Variants in MAPKBP1 observed in about 807,000 individuals in gnomAD.
MAPKBP1 encodes mitogen-activated protein kinase-binding protein 1.
Under a neutral mutation model 170.5 loss-of-function variants are expected in MAPKBP1, and 71 were observed. The ratio of observed to expected loss-of-function variants is 0.42; its 90% CI spans 0.34 to 0.51. MAPKBP1 has a LOEUF of 0.51. Ranked by LOEUF, MAPKBP1 falls within the 20% of genes least tolerant of loss-of-function variation. The probability of loss-of-function intolerance (pLI) is 0.06; values close to 1 mark genes in which losing one functional copy is unlikely to be tolerated. For missense variants in MAPKBP1, 1,598 were observed against 1,933.0 expected (o/e 0.83, Z 3.25); for synonymous variants, 719 against 757.9 (o/e 0.95, Z 0.84).
intron 2 of MAPKBP1, among the ~76,000 whole-genome samples, chr15:41,782,685 C>A (rs190565921): frequency 6.6e-6 from 1 of 152,078 alleles, no homozygotes; most frequent in Non-Finnish European, 1.5e-5. Flanking sequence ...TCCCAGGGAG[C>A]CTTCATGTGC....
chr15:41,803,498 G>A (rs2064637503), intron 3 of MAPKBP1, among the ~76,000 whole-genome samples: 1 of 149,080 alleles, frequency 6.7e-6, no homozygotes. Context: ...TTGAGACCAA[G>A]AATTTGAAAC....
chr15:41,818,008 G>C lies in MAPKBP1; in HGVS notation c.1905-1G>C. On this transcript the variant is annotated splice_acceptor_variant, in intron 16 of 30. Transcript: ENST00000457542. LOFTEE classifies it high-confidence loss of function. The surrounding 1 kb of genome is among the most constrained non-coding windows in gnomAD (Gnocchi z 5.2). ...TGAGAAAGAGACTATGTTTCTTACA[G>C]GATATTTAACATCAGCAGTGGAAAG... 1 of 1,614,004 alleles carries C rather than the reference G, an allele frequency of 6.2e-7. No homozygotes were observed. Among genetic ancestry groups the C allele is most frequent in the Non-Finnish European group, 8.5e-7 (1 of 1,179,882 alleles).
chr15:41,811,613 T>C, intron 5 of MAPKBP1: 1 of 614,710 alleles, frequency 1.6e-6, no homozygotes, highest in Non-Finnish European at 3.0e-6. Context: ...GGAGGAACGC[T>C]TCTGTCCTGG....
chr15:41,808,184 G>A (rs1269147535), intron 3 of MAPKBP1, among the ~76,000 whole-genome samples: 1 of 137,014 alleles, frequency 7.3e-6, no homozygotes, highest in Non-Finnish European at 1.5e-5. Flanking sequence ...TTGGCTTGCT[G>A]CAAGCTCCGC....
At chr15:41,794,258 T>C (rs1193507840) in intron 2 of MAPKBP1, among the ~76,000 whole-genome samples, 1 of 151,666 alleles carries the variant, frequency 6.6e-6, no homozygotes, top group Non-Finnish European at 1.5e-5. Context: ...AAACCAGATG[T>C]TTGAGTTCTT....
intron 3 of MAPKBP1, among the ~76,000 whole-genome samples, chr15:41,800,460 A>G (rs183715618): frequency 2.0e-5 from 3 of 151,792 alleles, no homozygotes; most frequent in African/African-American, 7.3e-5. Context: ...CTCCCACCTC[A>G]GTCTCCCGAG....
At chr15:41,798,021 C>T (rs911892066) in intron 2 of MAPKBP1, among the ~76,000 whole-genome samples, 3 of 151,722 alleles carry the variant, frequency 2.0e-5, no homozygotes, top group Non-Finnish European at 4.4e-5. Context: ...GAGGCCGAGG[C>T]GGGCGGATCA....
intron 2 of MAPKBP1, among the ~76,000 whole-genome samples, chr15:41,777,618 C>T (rs1370910469): frequency 6.6e-6 from 1 of 152,106 alleles, no homozygotes; most frequent in Non-Finnish European, 1.5e-5. Context: ...CTTTAGCACC[C>T]AAGAGGAGTA....
intron 2 of MAPKBP1, among the ~76,000 whole-genome samples, chr15:41,787,058 A>G (rs1222135034): frequency 6.7e-6 from 1 of 149,732 alleles, no homozygotes; most frequent in Non-Finnish European, 1.5e-5. Flanking sequence ...TCCTGACCTC[A>G]GGTGATCCAT....
At position 41,817,694 on chromosome 15, in the gene MAPKBP1, C is replaced by A. The variant is rs2064916498; in HGVS notation, c.1863C>A (p.Ser621Arg). 5 of 1,614,164 alleles carry A rather than the reference C, an allele frequency of 3.1e-6. No individual in the cohort carries two copies. The highest frequency in any genetic ancestry group is 4.2e-6 in the Non-Finnish European group (5 of 1,180,002). ...TTLYDMDVEP[S>R]WKYTAIGCQD... Reference sequence around the variant, plus strand: ...TCTATGACATGGATGTGGAGCCCAGCTGGAAGTACACGGCTATCGGCTGCC... The same window carrying A: ...TCTATGACATGGATGTGGAGCCCAGATGGAAGTACACGGCTATCGGCTGCC... Residue 621 changes from serine (S) to arginine (R), a missense_variant, in exon 16 of 31, where the codon AGC becomes AGA. Physicochemically the swap from Ser to Arg is moderately radical, Grantham distance 110. This residue lies in a region of MAPKBP1 where 430 missense variants were observed against 617.2 expected (regional missense o/e 0.70). Coordinates refer to ENST00000457542, the MANE Select transcript of MAPKBP1 (RefSeq NM_014994.3). This position sits in a 1 kb window ranked among gnomAD's most constrained non-coding sequence, Gnocchi z 4.2.
intron 3 of MAPKBP1, among the ~76,000 whole-genome samples, chr15:41,806,859 A>G (rs1458209458): frequency 6.6e-6 from 1 of 152,146 alleles, no homozygotes; most frequent in East Asian, 1.9e-4. Context: ...GAGTTCACCA[A>G]GAAGGCTGAG....
At chr15:41,802,066 G>A (rs2064604853) in intron 3 of MAPKBP1, among the ~76,000 whole-genome samples, 1 of 152,098 alleles carries the variant, frequency 6.6e-6, no homozygotes, top group African/African-American at 2.4e-5. Flanking sequence ...CTACAAACCT[G>A]CACAGCAGGT....
rs905118515 is a variant in MAPKBP1 at position 41,827,799 on chromosome 15, T to G, written c.*2363T>G. On this transcript the variant is annotated 3_prime_UTR_variant, in exon 31 of 31. Transcript: ENST00000457542. ...CTGCATGGGGCGGGGGCGCTGTTTT[T>G]AACGTGCCCGTTTGTACTGATGTAT... 4.3e-5 allele frequency: 12 copies of G among 281,864 alleles called. No homozygotes were observed. The highest frequency in any genetic ancestry group is 7.9e-5 in the Non-Finnish European group (12 of 151,306). The allele number at this position is 281,864 out of a possible 1,614,324, so 17.5% of individuals were successfully genotyped here.
chr15:41,825,426 G>A lies in MAPKBP1; in HGVS notation c.4517G>A (p.Arg1506His), dbSNP rs996065990. 9 of 1,605,800 alleles carry A rather than the reference G, an allele frequency of 5.6e-6. No homozygotes were observed. Among genetic ancestry groups the A allele is most frequent in the Admixed American group, 3.4e-5 (2 of 59,646 alleles). The stretch of plus-strand genomic sequence containing the variant: ...CGAGCCGTGGAACGGCGTATGGAAC[G>A]CAAACTCTGAGTTCTGGAAGCCTGT... ...LLRAVERRME[R>H]KL The change falls in exon 31 of 31, where the codon CGC becomes CAC. Residue 1506 changes from arginine to histidine, a missense_variant. By Grantham distance (29) the Arg-to-His change is conservative. Transcript: ENST00000457542.
At chr15:41,801,203 T>A (rs2064587342) in intron 3 of MAPKBP1, among the ~76,000 whole-genome samples, 1 of 152,250 alleles carries the variant, frequency 6.6e-6, no homozygotes, top group Non-Finnish European at 1.5e-5. Flanking sequence ...ATTCGCCTGT[T>A]CTAGTCACTT....
At chr15:41,809,656 G>T (rs1272102062) in intron 3 of MAPKBP1, among the ~76,000 whole-genome samples, 1 of 152,232 alleles carries the variant, frequency 6.6e-6, no homozygotes, top group East Asian at 1.9e-4. Context: ...GGCAGAAGGG[G>T]CAACGGGCCA....
Position 41,818,335 on chromosome 15 carries a change from G to A in MAPKBP1, c.2092+30G>A. 6.4e-7 allele frequency: 1 copy of A among 1,570,452 alleles called. No individual in the cohort carries two copies. The highest frequency in any genetic ancestry group is 1.1e-5 in the South Asian group (1 of 90,186). ...GTGTAGCCTGAATCCCCGAGTAGAA[G>A]CTGATACCTGCGTAAACCTGAGTGA... is the stretch of plus-strand genomic sequence containing the variant. On this transcript the variant is annotated intron_variant, in intron 18 of 30. Transcript: ENST00000457542. The surrounding 1 kb of genome is among the most constrained non-coding windows in gnomAD (Gnocchi z 5.2).
In MAPKBP1 at chr15:41,775,335, C is replaced by T. The variant is rs974531994; in HGVS notation, c.60C>T (p.Ser20=). 1 of 1,614,170 alleles carries T rather than the reference C, an allele frequency of 6.2e-7. No homozygotes were observed. The highest frequency in any genetic ancestry group is 8.5e-7 in the Non-Finnish European group (1 of 1,180,024). The stretch of plus-strand genomic sequence containing the variant: ...TCAAGAATCTGTTGAGATCTCCATC[C>T]ATCAAACTGCGCAGGAGTAAGGCAG... The part of the protein sequence containing the change: ...SRIKNLLRSP[S]IKLRRSKAGN... The change falls in exon 2 of 31, where the codon TCC becomes TCT. Residue 20 remains serine, a synonymous_variant. Transcript: ENST00000457542.
chr15:41,786,776 AAAT>A (rs1282785679), intron 2 of MAPKBP1, among the ~76,000 whole-genome samples: 3 of 103,072 alleles, frequency 2.9e-5, no homozygotes, highest in South Asian at 3.1e-4. Context: ...AAAAAAAAAA[AAAT>A]ATATATATAT....
Sources: allele counts gnomAD v4.1 joint callset (sites outside exome capture counted in the v4.1 genomes callset), GRCh38; gene constraint gnomAD v4.1.1; regional missense constraint gnomAD v4.1.1; non-coding constraint Gnocchi (gnomAD v3.1); transcripts MANE v1.5; gene names NCBI Gene and HGNC (gene_info 2026-07-23, HGNC 2026-07-21).